LRRTM3: variants seen among roughly 807,000 people sequenced by gnomAD.
LRRTM3 encodes leucine-rich repeat transmembrane neuronal protein 3.
A neutral mutation model predicts 44.7 loss-of-function variants in LRRTM3; 24 were observed. That is an observed-to-expected ratio of 0.54 (90% CI 0.39 to 0.76). The LOEUF is 0.76. Ranked by LOEUF, LRRTM3 falls within the 30% of genes least tolerant of loss-of-function variation. The pLI is 0.00. For synonymous variants in LRRTM3, 277 were observed against 278.7 expected (o/e 0.99, Z 0.06); for missense variants, 587 against 702.2 (o/e 0.84, Z 1.85).
chr10:67,059,045 C>T (rs780100116), intron 2 of LRRTM3, among the ~76,000 whole-genome samples: 7 of 152,204 alleles, frequency 4.6e-5, no homozygotes, highest in Non-Finnish European at 8.8e-5. Context: ...GGACATTTCT[C>T]ACAAAGGATT....
chr10:66,968,986 C>A (rs578053035), intron 2 of LRRTM3, among the ~76,000 whole-genome samples: 1 of 152,070 alleles, frequency 6.6e-6, no homozygotes, highest in East Asian at 1.9e-4. Flanking sequence ...CACTGCACTC[C>A]AGCCTGGGCA....
intron 2 of LRRTM3, among the ~76,000 whole-genome samples, chr10:67,060,070 C>G (rs1855672961): frequency 6.6e-6 from 1 of 152,078 alleles, no homozygotes; most frequent in Admixed American, 6.6e-5. Flanking sequence ...AATCCCAGCA[C>G]TTTGGGATGC....
intron 2 of LRRTM3, among the ~76,000 whole-genome samples, chr10:67,072,243 C>A (rs1465465052): frequency 6.6e-6 from 1 of 152,168 alleles, no homozygotes; most frequent in East Asian, 1.9e-4. Flanking sequence ...CATAAGCCAC[C>A]ATGCCCAACC....
At position 67,097,978 on chromosome 10, in the gene LRRTM3, C is replaced by T. The variant is rs1473718501; in HGVS notation, c.*182C>T. On this transcript the variant is annotated 3_prime_UTR_variant, in exon 3 of 3. Coordinates refer to ENST00000361320, the MANE Select transcript of LRRTM3 (RefSeq NM_178011.5). ...AGACATGAATTGTTTTAAGTCTACACTTTGTAATTAGCTAAGTTGTGCAGT... is the reference window on the plus strand; with the variant it reads ...AGACATGAATTGTTTTAAGTCTACATTTTGTAATTAGCTAAGTTGTGCAGT... 4 of 599,982 alleles carry T rather than the reference C, an allele frequency of 6.7e-6. No homozygotes were observed. In the East Asian group the frequency reaches 1.1e-4, roughly 17 times the overall value. 37.2% of individuals were successfully genotyped at this position (599,982 alleles called of 1,614,324 possible).
intron 2 of LRRTM3, among the ~76,000 whole-genome samples, chr10:67,032,050 G>T (rs1329526308): frequency 6.6e-6 from 1 of 152,106 alleles, no homozygotes; most frequent in Non-Finnish European, 1.5e-5. Context: ...TTCTTTTCCA[G>T]TAAAATGAGG....
At chr10:66,929,084 A>C (rs1056129058) in intron 2 of LRRTM3, among the ~76,000 whole-genome samples, 9 of 152,234 alleles carry the variant, frequency 5.9e-5, no homozygotes, top group South Asian at 2.1e-4. Context: ...AAAGTGATGA[A>C]GGGTTAAAAT....
chr10:66,976,605 C>G (rs994846058), intron 2 of LRRTM3, among the ~76,000 whole-genome samples: 1 of 152,122 alleles, frequency 6.6e-6, no homozygotes, highest in Non-Finnish European at 1.5e-5. Context: ...GGTCATATTC[C>G]CAAGTTTGGC....
At chr10:66,933,275 T>C (rs1311704065) in intron 2 of LRRTM3, among the ~76,000 whole-genome samples, 2 of 152,226 alleles carry the variant, frequency 1.3e-5, no homozygotes, top group Non-Finnish European at 2.9e-5. Flanking sequence ...TTCCACCTCA[T>C]GTTATCTAAG....
At chr10:66,985,992 C>T (rs1479794811) in intron 2 of LRRTM3, among the ~76,000 whole-genome samples, 1 of 152,124 alleles carries the variant, frequency 6.6e-6, no homozygotes, top group Non-Finnish European at 1.5e-5. Context: ...TCCAAAAGTG[C>T]TGGGATTACA....
At chr10:66,946,232 G>A (rs1848267798) in intron 2 of LRRTM3, among the ~76,000 whole-genome samples, 1 of 152,034 alleles carries the variant, frequency 6.6e-6, no homozygotes, top group African/African-American at 2.4e-5. Context: ...AAAATAGAGA[G>A]GGAGAGAATT....
chr10:67,051,571 T>G (rs1319037732), intron 2 of LRRTM3, among the ~76,000 whole-genome samples: 2 of 151,650 alleles, frequency 1.3e-5, no homozygotes, highest in East Asian at 3.9e-4. Flanking sequence ...GCGATTCTCC[T>G]GCCTCAATCA....
chr10:67,100,306 G>A lies in LRRTM3; in HGVS notation c.*2510G>A, dbSNP rs1467177969. On this transcript the variant is annotated 3_prime_UTR_variant, in exon 3 of 3. Transcript: ENST00000361320. Reference sequence around the variant, plus strand: ...CAAGGCCCTAAGCTACACCAAATACGCCAGGAATTTTGAGACTTCTCATCT... The same window carrying A: ...CAAGGCCCTAAGCTACACCAAATACACCAGGAATTTTGAGACTTCTCATCT... Among the ~76,000 whole-genome samples, 1 of 151,490 alleles carries A rather than the reference G, an allele frequency of 6.6e-6. No individual in the cohort carries two copies. The highest frequency in any genetic ancestry group is 1.5e-5 in the Non-Finnish European group (1 of 67,734).
intron 2 of LRRTM3, among the ~76,000 whole-genome samples, chr10:66,952,722 A>T (rs543805875): frequency 6.6e-6 from 1 of 152,094 alleles, no homozygotes; most frequent in South Asian, 2.1e-4. Context: ...AATTATTATC[A>T]ATGTACCCAT....
chr10:66,934,752 A>G (rs1369710197), intron 2 of LRRTM3, among the ~76,000 whole-genome samples: 1 of 152,196 alleles, frequency 6.6e-6, no homozygotes, highest in African/African-American at 2.4e-5. Context: ...CAAGGGTAAA[A>G]TATAGTTTTT....
At chr10:67,045,430 TTTG>T (rs757199869) in intron 2 of LRRTM3, among the ~76,000 whole-genome samples, 12 of 152,112 alleles carry the variant, frequency 7.9e-5, no homozygotes, top group Admixed American at 6.5e-5. Flanking sequence ...GTTGTTGTTG[TTTG>T]TTGTTGTTGT....
intron 2 of LRRTM3, among the ~76,000 whole-genome samples, chr10:67,068,927 G>A (rs1165373145): frequency 1.3e-5 from 2 of 152,122 alleles, no homozygotes; most frequent in Admixed American, 6.5e-5. Flanking sequence ...GGGCCTGGTG[G>A]CAGGTACCTG....
At chr10:67,002,201 C>G (rs1323632580) in intron 2 of LRRTM3, among the ~76,000 whole-genome samples, 3 of 152,062 alleles carry the variant, frequency 2.0e-5, no homozygotes, top group Non-Finnish European at 2.9e-5. Flanking sequence ...TAAACAGAGT[C>G]GAATGGGAAG....
chr10:66,999,051 GAA>G (rs912871728), intron 2 of LRRTM3, among the ~76,000 whole-genome samples: 1 of 152,042 alleles, frequency 6.6e-6, no homozygotes, highest in African/African-American at 2.4e-5. Context: ...TAGTTATAAA[GAA>G]AACGGAAGAC....
chr10:66,997,217 G>A (rs1161718206), intron 2 of LRRTM3, among the ~76,000 whole-genome samples: 1 of 152,120 alleles, frequency 6.6e-6, no homozygotes, highest in Non-Finnish European at 1.5e-5. Context: ...ATTTTCCATA[G>A]TTGTGACTCA....
Sources: gnomAD v4.1 joint callset for allele counts (sites outside exome capture counted in the v4.1 genomes callset) on GRCh38, gnomAD v4.1.1 for gene constraint, MANE v1.5 for transcripts, NCBI Gene and HGNC (gene_info 2026-07-23, HGNC 2026-07-21) for gene names.